The following CNIH3 variants were observed in gnomAD, a reference collection of about 807,000 sequenced individuals.
The protein encoded by CNIH3 is protein cornichon homolog 3.
A neutral mutation model predicts 24.1 loss-of-function variants in CNIH3; 14 were observed. The ratio of observed to expected loss-of-function variants is 0.58; its 90% CI spans 0.38 to 0.91. CNIH3 has a LOEUF of 0.91. CNIH3 is among the 40% of genes least tolerant of loss of function. CNIH3 has a pLI of 0.00. For missense variants in CNIH3, 178 were observed against 196.8 expected (o/e 0.90, Z 0.57); for synonymous variants, 68 against 73.8 (o/e 0.92, Z 0.40).
Position 224,506,918 on chromosome 1 carries a change from A to G in CNIH3, n.204-8823A>G, listed in dbSNP as rs76299731. On this transcript the variant is annotated intron_variant and non_coding_transcript_variant, in intron 1 of 5. Coordinates refer to the CNIH3 transcript ENST00000471578. ...GTCTCTGTCTCCCAGGCTGGAGTGTAGCAGTGTGATCACAGCTCACTGCAG... is the reference window on the plus strand; with the variant it reads ...GTCTCTGTCTCCCAGGCTGGAGTGTGGCAGTGTGATCACAGCTCACTGCAG... 1.2e-3 allele frequency among the ~76,000 whole-genome samples: 189 copies of G among 152,058 alleles called. 3 individuals carry two copies. In the East Asian group the frequency reaches 0.032, roughly 26 times the overall value.
At chr1:224,532,189 C>A (rs577055356) in intron 2 of CNIH3, among the ~76,000 whole-genome samples, 2 of 151,970 alleles carry the variant, frequency 1.3e-5, no homozygotes, top group Non-Finnish European at 2.9e-5. Flanking sequence ...GGTTTTTCCA[C>A]GAAGGTAAAG....
intron 1 of CNIH3, among the ~76,000 whole-genome samples, chr1:224,633,400 C>T (rs1263113851): frequency 6.6e-6 from 1 of 152,128 alleles, no homozygotes; most frequent in African/African-American, 2.4e-5. Flanking sequence ...CTCAAGTGAT[C>T]CGCCTGTCTC....
At chr1:224,600,813 C>T (rs1682176081) in intron 3 of CNIH3, among the ~76,000 whole-genome samples, 1 of 152,202 alleles carries the variant, frequency 6.6e-6, no homozygotes, top group Admixed American at 6.5e-5. Flanking sequence ...CATAAGGGTG[C>T]AACCTTAATC....
intron 1 of CNIH3, among the ~76,000 whole-genome samples, chr1:224,626,301 A>G (rs992819351): frequency 2.0e-5 from 3 of 152,162 alleles, no homozygotes; most frequent in Admixed American, 2.0e-4. Context: ...GCATTTCTTA[A>G]TGACACTTGG....
chr1:224,470,246 C>T (rs1414913479), intron 1 of CNIH3, among the ~76,000 whole-genome samples: 1 of 151,620 alleles, frequency 6.6e-6, no homozygotes, highest in Non-Finnish European at 1.5e-5. Context: ...TCTCGATCTC[C>T]TGACCTTGTG....
At chr1:224,678,322 A>G (rs1244098457) in intron 1 of CNIH3, among the ~76,000 whole-genome samples, 1 of 152,214 alleles carries the variant, frequency 6.6e-6, no homozygotes, top group African/African-American at 2.4e-5. Context: ...CAGGAATGTG[A>G]TATGGCCACA....
rs369806066 is a variant in CNIH3, at chr1:224,547,645, T to A, written n.450+706T>A. Among the ~76,000 whole-genome samples, 6 of 151,454 alleles carry A rather than the reference T, an allele frequency of 4.0e-5. No homozygotes were observed. In the East Asian group the frequency reaches 5.9e-4, roughly 15 times the overall value. ...ACACCCCGTGATATTATTTGTAATA[T>A]CTAAGCGAGGTATTACTCCTAATAT... On this transcript the variant is annotated intron_variant and non_coding_transcript_variant, in intron 3 of 5. Transcript: ENST00000471578.
intron 1 of CNIH3, among the ~76,000 whole-genome samples, chr1:224,621,654 C>T (rs1334087143): frequency 2.6e-5 from 4 of 152,224 alleles, no homozygotes; most frequent in African/African-American, 9.7e-5. Flanking sequence ...AAGGAAGCTC[C>T]ATGAGAGCAG....
chr1:224,713,073 C>CTTAA (rs1688241036), intron 3 of CNIH3, among the ~76,000 whole-genome samples: 1 of 152,208 alleles, frequency 6.6e-6, no homozygotes, highest in African/African-American at 2.4e-5. Context: ...GCCAAGCATG[C>CTTAA]TTAACATCCT....
In CNIH3 at chr1:224,730,475, A is replaced by T; in HGVS notation, c.212A>T (p.Glu71Val). 1.3e-6 allele frequency: 2 copies of T among 1,557,476 alleles called. No individual in the cohort carries two copies. Among genetic ancestry groups the T allele is most frequent in the Non-Finnish European group, 1.7e-6 (2 of 1,149,252 alleles). ...CTCCCTCTTCAGCTGGTGCTGCCAG[A>T]ATACTCCATCCATAGCCTCTTCTGC... ...CFLLRKLVLP[E>V]YSIHSLFCIM... Residue 71 changes from glutamate (E) to valine (V), a missense_variant, in exon 4 of 6, where the codon GAA becomes GTA. Glu to Val is a moderately radical substitution (Grantham distance 121, BLOSUM62 -2). Coordinates refer to ENST00000272133, the MANE Select transcript of CNIH3 (RefSeq NM_152495.2).
chr1:224,716,139 C>G (rs1188687771), intron 3 of CNIH3, among the ~76,000 whole-genome samples: 1 of 152,202 alleles, frequency 6.6e-6, no homozygotes, highest in Non-Finnish European at 1.5e-5. Flanking sequence ...CCATCACATT[C>G]TGCCCCTAAC....
At chr1:224,709,689 C>G (rs1490388505) in intron 3 of CNIH3, among the ~76,000 whole-genome samples, 1 of 152,166 alleles carries the variant, frequency 6.6e-6, no homozygotes, top group East Asian at 1.9e-4. Context: ...CAGGCTTCCT[C>G]CCTAATACTT....
intron 1 of CNIH3, among the ~76,000 whole-genome samples, chr1:224,649,996 T>C (rs1684790165): frequency 6.6e-6 from 1 of 152,216 alleles, no homozygotes; most frequent in Non-Finnish European, 1.5e-5. Flanking sequence ...AACTTAGAAA[T>C]AGCAAGCTGT....
At chr1:224,699,670 A>G (rs546633949) in intron 3 of CNIH3, among the ~76,000 whole-genome samples, 6 of 152,254 alleles carry the variant, frequency 3.9e-5, no homozygotes, top group African/African-American at 1.4e-4. Context: ...ATTTAAGCAT[A>G]CCTTTAGAAT....
chr1:224,451,125 C>A (rs1489182016), intron 1 of CNIH3, among the ~76,000 whole-genome samples: 2 of 152,044 alleles, frequency 1.3e-5, no homozygotes, highest in Non-Finnish European at 2.9e-5. Flanking sequence ...GGGGTATGGC[C>A]GAGGGTTATG....
chr1:224,688,762 G>A (rs955961291), intron 3 of CNIH3, among the ~76,000 whole-genome samples: 1 of 151,782 alleles, frequency 6.6e-6, no homozygotes, highest in Non-Finnish European at 1.5e-5. Context: ...CCAACATGGT[G>A]AAACCCCCAC....
At chr1:224,636,213 T>A (rs1684080869) in intron 1 of CNIH3, among the ~76,000 whole-genome samples, 2 of 152,248 alleles carry the variant, frequency 1.3e-5, no homozygotes, top group South Asian at 4.2e-4. Context: ...TGGGGTTGGG[T>A]TGGGTGAGTT....
chr1:224,592,474 G>T (rs552340390), downstream of CNIH3, among the ~76,000 whole-genome samples: 1 of 152,298 alleles, frequency 6.6e-6, no homozygotes, highest in African/African-American at 2.4e-5. Flanking sequence ...TAGCTGTAGG[G>T]TTAAACTTAG....
intron 5 of CNIH3, among the ~76,000 whole-genome samples, chr1:224,586,386 T>C (rs997654181): frequency 6.6e-6 from 1 of 152,142 alleles, no homozygotes; most frequent in Non-Finnish European, 1.5e-5. Context: ...ACTCCCCTTT[T>C]TAAAACCATC....
Sources: gnomAD v4.1 joint callset for allele counts (sites outside exome capture counted in the v4.1 genomes callset) on GRCh38, gnomAD v4.1.1 for gene constraint, MANE v1.5 for transcripts, NCBI Gene and HGNC (gene_info 2026-07-23, HGNC 2026-07-21) for gene names.